SORT1: variants seen among roughly 807,000 people sequenced by gnomAD.
SORT1 encodes sortilin.
SORT1 carries 39 observed loss-of-function variants against 101.7 expected under a neutral mutation model. That is an observed-to-expected ratio of 0.38 (90% CI 0.30 to 0.50). SORT1 has a LOEUF of 0.50. SORT1 is among the 20% of genes least tolerant of loss of function. The pLI is 0.90. For missense variants in SORT1, 878 were observed against 1,040.4 expected, an observed-to-expected ratio of 0.84 and a Z score of 2.15; for synonymous variants, 396 against 393.7, an observed-to-expected ratio of 1.01 and a Z score of -0.07.
rs912906396 is a variant in SORT1 at position 109,314,807 on chromosome 1, G to A, written c.2251-29C>T. On this transcript the variant is annotated intron_variant, in intron 17 of 19. Transcript: ENST00000256637. Reference sequence around the variant, plus strand: ...GAGAAATTAAAACACAAACACAAAAGTTTTAGGCATGCATATCCTAGGACT... The same window carrying A: ...GAGAAATTAAAACACAAACACAAAAATTTTAGGCATGCATATCCTAGGACT... The A allele has an allele frequency of 2.2e-6, 3 of 1,334,038 alleles. No individual in the cohort carries two copies. In the African/African-American group the frequency reaches 4.3e-5, roughly 19 times the overall value. 82.6% of individuals were successfully genotyped at this position (1,334,038 alleles called of 1,614,324 possible). A position where few individuals can be genotyped will look rare whatever the true frequency, so the allele number is the denominator to read the frequency against.
At chr1:109,346,018 A>C in intron 7 of SORT1, 137 bp from the exon 8 acceptor site, 1 of 751,224 alleles carries the variant, frequency 1.3e-6, no homozygotes, top group Non-Finnish European at 2.1e-6. Flanking sequence ...ACAACATAAA[A>C]TGTGATACAG....
intron 2 of SORT1, among the ~76,000 whole-genome samples, chr1:109,369,159 A>C (rs1169974400): frequency 6.6e-6 from 1 of 152,096 alleles, no homozygotes; most frequent in Non-Finnish European, 1.5e-5. Flanking sequence ...CATCTTCACT[A>C]AAAATACAAA....
chr1:109,326,054 C>CTT (rs541173445), intron 13 of SORT1, among the ~76,000 whole-genome samples: 23 of 134,662 alleles, frequency 1.7e-4, no homozygotes, highest in Admixed American at 2.3e-4. Flanking sequence ...ACTTATACTT[C>CTT]TTTTTTTTTT....
Position 109,313,124 on chromosome 1 carries a change from C to A in SORT1, c.*919G>T, listed in dbSNP as rs1396355091. 2 of 152,354 alleles carry A rather than the reference C, an allele frequency of 1.3e-5. No individual in the cohort carries two copies. The highest frequency in any genetic ancestry group is 4.8e-5 in the African/African-American group (2 of 41,564). 9.4% of individuals were successfully genotyped at this position (152,354 alleles called of 1,614,324 possible). The stretch of plus-strand genomic sequence containing the variant: ...GAGGTTCCGTCTTCGGGGGTTCACA[C>A]TGTGTACCCGACAATCAACTCTAGG... On this transcript the variant is annotated 3_prime_UTR_variant, in exon 20 of 20. Coordinates refer to ENST00000256637, the MANE Select transcript of SORT1 (RefSeq NM_002959.7).
chr1:109,367,021 C>T (rs1651138915), intron 3 of SORT1: 1 of 158,412 alleles, frequency 6.3e-6, no homozygotes, highest in African/African-American at 2.4e-5. Context: ...AACCCAGGAG[C>T]TCAATACAAG....
chr1:109,327,698 C>T (rs906884391), intron 11 of SORT1, 97 bp from the exon 12 acceptor site: 17 of 703,170 alleles, frequency 2.4e-5, no homozygotes, highest in Non-Finnish European at 3.9e-5. Context: ...TTTAAGTTAA[C>T]CCAGACCTAG....
intron 3 of SORT1, among the ~76,000 whole-genome samples, chr1:109,357,710 T>C (rs970699405): frequency 2.0e-5 from 3 of 152,166 alleles, no homozygotes; most frequent in Admixed American, 6.5e-5. Context: ...TCCCTGATAA[T>C]ATGCTGAAAC....
chr1:109,335,652 T>G lies in SORT1; in HGVS notation c.1371+588A>C, dbSNP rs867069512. On this transcript the variant is annotated intron_variant, in intron 11 of 19. Coordinates refer to ENST00000256637, the MANE Select transcript of SORT1 (RefSeq NM_002959.7). ...CTGTGAGAGCCAGATAAAAAGCTTG[T>G]TTTTTTTTTCCCTTTTTTCCTTGCC... Among the ~76,000 whole-genome samples, 31 of 149,432 alleles carry G rather than the reference T, an allele frequency of 2.1e-4. No homozygotes were observed. In the Middle Eastern group the frequency reaches 0.01, roughly 50 times the overall value.
chr1:109,346,880 T>C (rs1649644338), intron 7 of SORT1, among the ~76,000 whole-genome samples: 1 of 152,226 alleles, frequency 6.6e-6, no homozygotes, highest in Non-Finnish European at 1.5e-5. Context: ...CTTGCCACAT[T>C]GCCCAAGCTG....
chr1:109,354,314 C>T (rs1570941316), intron 5 of SORT1, 53 bp downstream of exon 5: 8 of 1,383,938 alleles, frequency 5.8e-6, no homozygotes, highest in Middle Eastern at 1.9e-4. Flanking sequence ...TAAGACAGTA[C>T]ATTTGAGACT....
chr1:109,350,391 A>G (rs1467357808), intron 6 of SORT1, among the ~76,000 whole-genome samples: 1 of 152,162 alleles, frequency 6.6e-6, no homozygotes, highest in Non-Finnish European at 1.5e-5. Context: ...GAGACTCCCA[A>G]GTAAGAGCTC....
At chr1:109,332,440 C>G (rs1009091869) in intron 11 of SORT1, among the ~76,000 whole-genome samples, 1 of 152,120 alleles carries the variant, frequency 6.6e-6, no homozygotes, top group African/African-American at 2.4e-5. Context: ...CAAAATTAGA[C>G]AGGTGTGGTG....
At chr1:109,378,687 G>A (rs1652008069) in intron 1 of SORT1, among the ~76,000 whole-genome samples, 1 of 94,306 alleles carries the variant, frequency 1.1e-5, no homozygotes, top group African/African-American at 4.1e-5. Flanking sequence ...GCCAACAGAA[G>A]GTAGAGTGAA....
intron 16 of SORT1, among the ~76,000 whole-genome samples, chr1:109,317,503 G>A (rs934552940): frequency 2.6e-5 from 4 of 152,230 alleles, no homozygotes; most frequent in Admixed American, 1.3e-4. Context: ...CCAGACGAGC[G>A]ATGGACGTTC....
At chr1:109,353,406 T>C (rs1168614273) in intron 5 of SORT1, among the ~76,000 whole-genome samples, 3 of 150,658 alleles carry the variant, frequency 2.0e-5, no homozygotes, top group Admixed American at 1.3e-4. Context: ...GCCTCACCTC[T>C]GCTCAAAAAT....
At chr1:109,345,950 G>C (rs1649557434) in intron 7 of SORT1, 69 bp from the exon 8 acceptor site, 3 of 1,314,662 alleles carry the variant, frequency 2.3e-6, no homozygotes, top group Non-Finnish European at 3.2e-6. Flanking sequence ...AGTTGTTTTA[G>C]AATCAATCTT....
intron 6 of SORT1, among the ~76,000 whole-genome samples, chr1:109,350,593 G>A (rs1406026088): frequency 1.3e-5 from 2 of 152,200 alleles, no homozygotes; most frequent in East Asian, 3.8e-4. Flanking sequence ...GCATGGAGAA[G>A]TATTTAAATC....
intron 1 of SORT1, among the ~76,000 whole-genome samples, chr1:109,383,714 T>C (rs1652398528): frequency 1.3e-5 from 2 of 152,176 alleles, no homozygotes; most frequent in African/African-American, 4.8e-5. Flanking sequence ...CCTAACAGAA[T>C]ATAGTTCTGT....
At chr1:109,392,501 A>C (rs1425182924) in intron 1 of SORT1, 2 of 545,582 alleles carry the variant, frequency 3.7e-6, no homozygotes, top group Non-Finnish European at 4.7e-6. Flanking sequence ...GCCTTCTTCC[A>C]ATTATTTCCA....
Sources: gnomAD v4.1 joint callset for allele counts (sites outside exome capture counted in the v4.1 genomes callset) on GRCh38, gnomAD v4.1.1 for gene constraint, MANE v1.5 for transcripts, NCBI Gene and HGNC (gene_info 2026-07-23, HGNC 2026-07-21) for gene names.